The following FRMPD2 variants were observed in gnomAD, a reference collection of about 807,000 sequenced individuals.
The protein encoded by FRMPD2 is FERM and PDZ domain containing 2.
FRMPD2 carries 96 observed loss-of-function variants against 140.1 expected under a neutral mutation model. The ratio of observed to expected loss-of-function variants is 0.69; its 90% CI spans 0.58 to 0.81. FRMPD2 has a LOEUF of 0.81. Among genes scored for constraint, FRMPD2 ranks in the 40% least tolerant of loss-of-function variants. FRMPD2 has a pLI of 0.00. For missense variants in FRMPD2, 1,240 were observed against 1,447.4 expected (o/e 0.86, Z 2.32); for synonymous variants, 449 against 547.6 (o/e 0.82, Z 2.52).
chr10:48,211,187 C>T lies in FRMPD2; in HGVS notation c.1611+767G>A, dbSNP rs767041506. Among the ~76,000 whole-genome samples the T allele has an allele frequency of 1.7e-4, 26 of 152,248 alleles. 1 individual carries two copies. The highest frequency in any genetic ancestry group is 1.6e-3 in the Admixed American group (24 of 15,290). On this transcript the variant is annotated intron_variant, in intron 13 of 28. Transcript: ENST00000374201. ...TTTGTCTCCATTTTCCAGTGCCTGG[C>T]CCACAGCAAGGGGAGATTGTGGAGT...
At chr10:48,163,937 T>C (rs1485615850) in intron 27 of FRMPD2, among the ~76,000 whole-genome samples, 1 of 151,242 alleles carries the variant, frequency 6.6e-6, no homozygotes, top group South Asian at 2.1e-4. Context: ...TAGACAAAGA[T>C]AAAAATGGAA....
intron 9 of FRMPD2, among the ~76,000 whole-genome samples, chr10:48,234,625 A>G (rs185112551): frequency 2.6e-5 from 4 of 152,276 alleles, no homozygotes; most frequent in African/African-American, 9.6e-5. Context: ...GTGACACAGG[A>G]AACCCTGGGA....
At chr10:48,230,006 A>T (rs915537336) in intron 10 of FRMPD2, among the ~76,000 whole-genome samples, 6 of 152,184 alleles carry the variant, frequency 3.9e-5, no homozygotes, top group Non-Finnish European at 7.4e-5. Flanking sequence ...GCTAACAAAG[A>T]TCAAGCAGAA....
chr10:48,238,104 G>A lies in FRMPD2; in HGVS notation c.808C>T (p.Pro270Ser), dbSNP rs149092560. 1.9e-6 allele frequency: 3 copies of A among 1,612,098 alleles called. No homozygotes were observed. The highest frequency in any genetic ancestry group is 1.3e-5 in the African/African-American group (1 of 74,930). ...LVNRALPGAD[P>S]QDQQAGRRLS... ...CTCCGGCCCGCCTGCTGGTCCTGGGGATCTGCTCCTGGAAGAGCGCTGGCC... is the reference window on the plus strand; with the variant it reads ...CTCCGGCCCGCCTGCTGGTCCTGGGAATCTGCTCCTGGAAGAGCGCTGGCC... The change falls in exon 8 of 29, where the codon CCC becomes TCC. Residue 270 changes from proline to serine, a missense_variant. By Grantham distance (74) the Pro-to-Ser change is moderately conservative. This residue lies in a region of FRMPD2 where 1,161 missense variants were observed against 1,055.9 expected (regional missense o/e 1.10). Transcript: ENST00000374201.
At chr10:48,210,651 A>T (rs189323435) in intron 13 of FRMPD2, among the ~76,000 whole-genome samples, 1 of 152,322 alleles carries the variant, frequency 6.6e-6, no homozygotes, top group African/African-American at 2.4e-5. Context: ...TCCCCTTGAC[A>T]GGGAACACGT....
At chr10:48,192,606 TA>T in intron 16 of FRMPD2, 77 bp downstream of exon 16, 2 of 1,280,420 alleles carry the variant, frequency 1.6e-6, no homozygotes, top group Non-Finnish European at 1.1e-6. Context: ...AAAAATAAAA[TA>T]AATCTTCAGT....
chr10:48,252,489 G>A (rs538048194), intron 1 of FRMPD2, among the ~76,000 whole-genome samples: 2 of 152,072 alleles, frequency 1.3e-5, no homozygotes, highest in Admixed American at 6.5e-5. Flanking sequence ...CAAGCAGGGC[G>A]GGTGTGCAGT....
At chr10:48,249,766 G>T (rs2131964792) in intron 2 of FRMPD2, among the ~76,000 whole-genome samples, 1 of 152,278 alleles carries the variant, frequency 6.6e-6, no homozygotes, top group Middle Eastern at 3.4e-3. Context: ...ATGCCTAGGA[G>T]CCCCATAGTC....
intron 1 of FRMPD2, among the ~76,000 whole-genome samples, chr10:48,267,284 CA>C (rs1840694670): frequency 2.0e-5 from 3 of 151,942 alleles, no homozygotes; most frequent in Non-Finnish European, 4.4e-5. Context: ...ATGACAAGCA[CA>C]ATAAAAACAA....
At chr10:48,211,366 G>A (rs2092546241) in intron 13 of FRMPD2, among the ~76,000 whole-genome samples, 1 of 152,238 alleles carries the variant, frequency 6.6e-6, no homozygotes, top group African/African-American at 2.4e-5. Flanking sequence ...CTGCAGGGCT[G>A]CAAACTTAGG....
chr10:48,183,107 A>G (rs1284390181), intron 20 of FRMPD2, among the ~76,000 whole-genome samples: 2 of 152,232 alleles, frequency 1.3e-5, no homozygotes, highest in East Asian at 1.9e-4. Context: ...TACAGGTACA[A>G]GAGTGAGAGA....
intron 7 of FRMPD2, among the ~76,000 whole-genome samples, chr10:48,239,226 A>T (rs536833563): frequency 6.6e-6 from 1 of 152,364 alleles, no homozygotes; most frequent in East Asian, 1.9e-4. Flanking sequence ...AGCCTAAATG[A>T]CCAACTCACA....
intron 12 of FRMPD2, among the ~76,000 whole-genome samples, chr10:48,221,978 T>TTGGATGGA (rs71026203): frequency 0.13 from 18,349 of 136,210 alleles, 1,324 homozygotes; most frequent in East Asian, 0.18. Context: ...GGATGGATGG[T>TTGGATGGA]TGGATGGATG....
intron 9 of FRMPD2, among the ~76,000 whole-genome samples, chr10:48,235,735 ACT>A (rs1370634982): frequency 1.3e-5 from 2 of 152,210 alleles, no homozygotes; most frequent in East Asian, 3.8e-4. Context: ...CTCAACATTG[ACT>A]GAGAAGCTCT....
chr10:48,219,850 A>G (rs1335319407), intron 12 of FRMPD2, among the ~76,000 whole-genome samples: 5 of 152,236 alleles, frequency 3.3e-5, no homozygotes, highest in Non-Finnish European at 5.9e-5. Flanking sequence ...GGGCTTGGCC[A>G]AGATTAGGAT....
chr10:48,188,465 G>A (rs1257532620), intron 16 of FRMPD2, among the ~76,000 whole-genome samples: 4 of 152,200 alleles, frequency 2.6e-5, no homozygotes, highest in South Asian at 2.1e-4. Context: ...CAGCACGATC[G>A]ACCCACAGTG....
chr10:48,174,879 A>G lies in FRMPD2; in HGVS notation c.3066T>C (p.Gly1022=), dbSNP rs1165787264. The change falls in exon 24 of 29, where the codon GGT becomes GGC. Residue 1022 remains glycine, a synonymous_variant. Coordinates refer to ENST00000374201, the MANE Select transcript of FRMPD2 (RefSeq NM_001018071.4). ...THKQAVQCLT[G]PGQVARLVLE... ...GCAACAGTCCACTCACCTGCCCAGG[A>G]CCCGTCAGGCACTGCACAGCCTGCT... The G allele has an allele frequency of 3.3e-6, 2 of 601,376 alleles. No homozygotes were observed. The highest frequency in any genetic ancestry group is 5.6e-5 in the East Asian group (2 of 35,412). The allele number at this position is 601,376 out of a possible 1,614,324, so 37.3% of individuals were successfully genotyped here. A position where few individuals can be genotyped will look rare whatever the true frequency, so the allele number is the denominator to read the frequency against.
intron 5 of FRMPD2, among the ~76,000 whole-genome samples, chr10:48,241,560 G>C (rs1840105841): frequency 6.6e-6 from 1 of 152,150 alleles, no homozygotes; most frequent in Admixed American, 6.5e-5. Flanking sequence ...CCTCTCCCAG[G>C]AACATTTCCC....
intron 9 of FRMPD2, among the ~76,000 whole-genome samples, chr10:48,235,212 G>A (rs1839940545): frequency 6.6e-6 from 1 of 152,134 alleles, no homozygotes; most frequent in South Asian, 2.1e-4. Flanking sequence ...TCATGCTTTG[G>A]GTAACTCAAT....
Sources: gnomAD v4.1 joint callset for allele counts (sites outside exome capture counted in the v4.1 genomes callset) on GRCh38, gnomAD v4.1.1 for gene constraint, gnomAD v4.1.1 regional missense constraint, MANE v1.5 for transcripts, NCBI Gene and HGNC (gene_info 2026-07-23, HGNC 2026-07-21) for gene names.